FABP6: variants seen among roughly 807,000 people sequenced by gnomAD.
FABP6 encodes fatty acid binding protein 6, also known as gastrotropin.
FABP6 carries 13 observed loss-of-function variants against 14.9 expected under a neutral mutation model. The observed-to-expected ratio is 0.87, with a 90% CI of 0.57 to 1.39. FABP6 has a LOEUF of 1.39. Among genes scored for constraint, FABP6 ranks in the 40% most tolerant of loss-of-function variants. FABP6 has a pLI of 0.00. For synonymous variants in FABP6, 75 were observed against 63.6 expected (o/e 1.18, Z -0.85); for missense variants, 161 against 167.2 (o/e 0.96, Z 0.20).
chr5:160,199,304 C>T, intron 2 of FABP6: 1 of 773,522 alleles, frequency 1.3e-6, no homozygotes, highest in East Asian at 2.6e-5. Context: ...AAGCCCTTTT[C>T]CTCCTTTCAG....
intron 1 of FABP6, among the ~76,000 whole-genome samples, chr5:160,191,786 C>A (rs1291532158): frequency 2.2e-5 from 3 of 137,124 alleles, no homozygotes; most frequent in Non-Finnish European, 4.7e-5. Context: ...ATGGTGAAAC[C>A]CCATCTCTAC....
intron 3 of FABP6, among the ~76,000 whole-genome samples, chr5:160,214,152 T>TTTCTTTCTTTCATTCA (rs755078967): frequency 6.2e-5 from 8 of 128,890 alleles, no homozygotes; most frequent in African/African-American, 1.2e-4. Context: ...TCTTTCTTTC[T>TTTCTTTCTTTCATTCA]TTCTTTCCTT....
At chr5:160,191,704 G>T (rs535718568) in intron 1 of FABP6, among the ~76,000 whole-genome samples, 1 of 151,062 alleles carries the variant, frequency 6.6e-6, no homozygotes, top group Non-Finnish European at 1.5e-5. Flanking sequence ...GCTCACGCCT[G>T]TAATCCCAGC....
upstream of FABP6, chr5:160,228,690 C>T (rs1162049281): frequency 8.0e-6 from 3 of 376,622 alleles, no homozygotes; most frequent in Non-Finnish European, 1.6e-5. Flanking sequence ...CCTTCTCCTC[C>T]AGGTGCGCTG....
upstream of FABP6, chr5:160,228,626 C>T (rs1247252295): frequency 4.6e-6 from 2 of 439,306 alleles, no homozygotes; most frequent in Non-Finnish European, 9.2e-6. Flanking sequence ...AAATAAAACT[C>T]ATCCAGCATC....
intron 3 of FABP6, among the ~76,000 whole-genome samples, chr5:160,235,685 T>G (rs1469235765): frequency 1.3e-5 from 2 of 151,520 alleles, no homozygotes. Flanking sequence ...GAAAGGGCCC[T>G]TCCCTCCTCC....
chr5:160,216,290 C>A (rs1403823595), intron 3 of FABP6, among the ~76,000 whole-genome samples: 3 of 146,744 alleles, frequency 2.0e-5, no homozygotes, highest in Admixed American at 1.4e-4. Context: ...TTTTTTGAGA[C>A]CAAGTCTCAC....
rs1015557036 is a variant in FABP6 at position 160,198,847 on chromosome 5, C to G, written c.-58-202C>G. The G allele has an allele frequency of 2.3e-5, 12 of 521,718 alleles. 1 individual carries two copies. Among genetic ancestry groups the G allele is most frequent in the Non-Finnish European group, 4.1e-5 (12 of 291,002 alleles). 32.3% of individuals were successfully genotyped at this position (521,718 alleles called of 1,614,324 possible). A position where few individuals can be genotyped will look rare whatever the true frequency, so the allele number is the denominator to read the frequency against. On this transcript the variant is annotated intron_variant, in intron 1 of 6. Transcript: ENST00000393980. ...CCTCTTCAAATACTGGCCCATCATC[C>G]TGTTGTTCTTTACAGCACTTTTGAC... is the stretch of plus-strand genomic sequence containing the variant.
intron 2 of FABP6, among the ~76,000 whole-genome samples, chr5:160,203,999 C>T (rs898854693): frequency 6.6e-6 from 1 of 152,118 alleles, no homozygotes; most frequent in Non-Finnish European, 1.5e-5. Context: ...CCGCGCCCAG[C>T]CTCAGACACT....
chr5:160,200,094 T>C (rs1274105324), intron 2 of FABP6, among the ~76,000 whole-genome samples: 1 of 152,206 alleles, frequency 6.6e-6, no homozygotes, highest in East Asian at 1.9e-4. Context: ...AAGTCTGGGT[T>C]CAAATTCCAT....
intron 1 of FABP6, among the ~76,000 whole-genome samples, chr5:160,194,805 G>A (rs1158356229): frequency 2.6e-5 from 4 of 152,056 alleles, no homozygotes; most frequent in African/African-American, 9.7e-5. Flanking sequence ...TCTGATGGCC[G>A]GTTTCCCTGC....
intron 1 of FABP6, among the ~76,000 whole-genome samples, chr5:160,195,347 A>G (rs1759488995): frequency 6.6e-6 from 1 of 151,486 alleles, no homozygotes; most frequent in African/African-American, 2.4e-5. Flanking sequence ...AGGGGTTGAG[A>G]ACAAGAGCCC....
At chr5:160,227,166 C>T (rs1161964928), upstream of FABP6, among the ~76,000 whole-genome samples, 1 of 152,024 alleles carries the variant, frequency 6.6e-6, no homozygotes, top group East Asian at 1.9e-4. Context: ...AGACATGTGC[C>T]CATATCATTA....
At chr5:160,217,233 A>G (rs1254322107) in intron 3 of FABP6, among the ~76,000 whole-genome samples, 1 of 152,204 alleles carries the variant, frequency 6.6e-6, no homozygotes, top group Non-Finnish European at 1.5e-5. Flanking sequence ...TCAGTTAGAA[A>G]TGGCATAAGG....
intron 2 of FABP6, among the ~76,000 whole-genome samples, chr5:160,207,968 C>T (rs1419880650): frequency 1.3e-5 from 2 of 152,080 alleles, no homozygotes; most frequent in Non-Finnish European, 2.9e-5. Flanking sequence ...AGGTGATCTG[C>T]CCGCCTTGGC....
chr5:160,205,759 G>T (rs1759749479), intron 2 of FABP6, among the ~76,000 whole-genome samples: 1 of 152,204 alleles, frequency 6.6e-6, no homozygotes, highest in Non-Finnish European at 1.5e-5. Context: ...ATGTGAGAGT[G>T]TGGGGTATGG....
intron 2 of FABP6, among the ~76,000 whole-genome samples, chr5:160,207,946 A>G (rs1483382669): frequency 2.0e-5 from 3 of 152,028 alleles, no homozygotes; most frequent in African/African-American, 7.2e-5. Context: ...CTGGTCTCAA[A>G]ATCCTGACCT....
intron 2 of FABP6, among the ~76,000 whole-genome samples, chr5:160,234,187 T>G (rs1358311948): frequency 6.6e-6 from 1 of 152,098 alleles, no homozygotes; most frequent in Non-Finnish European, 1.5e-5. Flanking sequence ...CCTCCACTGA[T>G]AGAAAAATGT....
At chr5:160,220,987 G>A (rs1475705003) in intron 3 of FABP6, among the ~76,000 whole-genome samples, 2 of 151,532 alleles carry the variant, frequency 1.3e-5, no homozygotes, top group Non-Finnish European at 2.9e-5. Context: ...TACTTGGGAG[G>A]CTAAGGCAGG....
Sources: gnomAD v4.1 joint callset for allele counts (sites outside exome capture counted in the v4.1 genomes callset) on GRCh38, gnomAD v4.1.1 for gene constraint, MANE v1.5 for transcripts, NCBI Gene and HGNC (gene_info 2026-07-23, HGNC 2026-07-21) for gene names.